The following LIMS1 variants were observed in gnomAD, a reference collection of about 807,000 sequenced individuals.
LIMS1 encodes the protein LIM and senescent cell antigen-like-containing domain protein 1.
LIMS1 carries 18 observed loss-of-function variants against 44.1 expected under a neutral mutation model. The observed-to-expected ratio is 0.41, with a 90% confidence interval of 0.28 to 0.61. LIMS1 has a LOEUF of 0.61. Ranked by LOEUF, LIMS1 falls within the 20% of genes least tolerant of loss-of-function variation. The pLI is 0.32. For missense variants in LIMS1, 201 were observed against 422.0 expected (o/e 0.48, Z 4.59); for synonymous variants, 93 against 149.1 (o/e 0.62, Z 2.74).
chr2:108,601,141 A>G (rs1686994365), intron 1 of LIMS1, among the ~76,000 whole-genome samples: 2 of 152,164 alleles, frequency 1.3e-5, no homozygotes, highest in South Asian at 4.1e-4. Flanking sequence ...CACACACACA[A>G]TACCTTTAAG....
intron 1 of LIMS1, among the ~76,000 whole-genome samples, chr2:108,617,435 A>G (rs1573460043): frequency 6.6e-6 from 1 of 152,236 alleles, no homozygotes; most frequent in African/African-American, 2.4e-5. Flanking sequence ...AATTTTTCCA[A>G]TACTGTAGAA....
chr2:108,588,289 C>T, intron 1 of LIMS1: 1 of 978,134 alleles, frequency 1.0e-6, no homozygotes, highest in Non-Finnish European at 1.2e-6. Flanking sequence ...AAACCCTGAA[C>T]TTGGTTTCAT....
chr2:108,570,021 T>C (rs989014153), intron 1 of LIMS1, among the ~76,000 whole-genome samples: 46 of 152,162 alleles, frequency 3.0e-4, no homozygotes, highest in African/African-American at 9.9e-4. Flanking sequence ...GAGAAAAGTA[T>C]ACAAAAATCT....
chr2:108,590,728 C>G (rs1686341818), intron 1 of LIMS1, among the ~76,000 whole-genome samples: 1 of 152,212 alleles, frequency 6.6e-6, no homozygotes. Flanking sequence ...AGTGTTACTT[C>G]TCTCTTCAGA....
At chr2:108,623,539 A>G (rs928911267) in intron 1 of LIMS1, among the ~76,000 whole-genome samples, 9 of 152,216 alleles carry the variant, frequency 5.9e-5, no homozygotes, top group South Asian at 2.1e-4. Context: ...CAGTTAATTC[A>G]TTGTTTAATT....
chr2:108,551,414 TATA>T (rs911696327), intron 1 of LIMS1, among the ~76,000 whole-genome samples: 38 of 146,106 alleles, frequency 2.6e-4, no homozygotes, highest in African/African-American at 8.7e-4. Flanking sequence ...TTAGCTATAA[TATA>T]ATTATATAGT....
In LIMS1 at chr2:108,641,755, GA is replaced by G. The variant is rs1291115970; in HGVS notation, c.33-17842del. Among the ~76,000 whole-genome samples the G allele has an allele frequency of 4.0e-5, 6 of 151,820 alleles. No individual in the cohort carries two copies. The South Asian group carries it at 1.0e-3, about 26-fold the overall frequency. On this transcript the variant is annotated intron_variant, in intron 1 of 9. Coordinates refer to ENST00000544547, the Ensembl canonical transcript of LIMS1. ...TTTTGCCTGTGCATTCAAAAATTAG[GA>G]AAAAAAATTGACAAGGCAAAATGGC...
intron 1 of LIMS1, among the ~76,000 whole-genome samples, chr2:108,600,936 T>C (rs13006894): frequency 1.7e-5 from 2 of 118,180 alleles, no homozygotes; most frequent in Non-Finnish European, 3.5e-5. Flanking sequence ...CTCTTCTCTT[T>C]TTTCTTCACT....
chr2:108,677,773 T>C (rs541415587), intron 7 of LIMS1, among the ~76,000 whole-genome samples: 2 of 152,356 alleles, frequency 1.3e-5, no homozygotes, highest in Admixed American at 1.3e-4. Context: ...TATTTGGGTG[T>C]TCAAACTGTC....
chr2:108,599,061 T>A (rs1686864577), intron 1 of LIMS1, among the ~76,000 whole-genome samples: 1 of 152,068 alleles, frequency 6.6e-6, no homozygotes, highest in Non-Finnish European at 1.5e-5. Flanking sequence ...TAGTTATTTT[T>A]AAATGTCCAA....
Position 108,613,118 on chromosome 2 carries a change from ACATGCCT to A in LIMS1, c.33-46483_33-46477del, listed in dbSNP as rs1249319496. Among the ~76,000 whole-genome samples the A allele has an allele frequency of 2.0e-5, 3 of 152,200 alleles. No homozygotes were observed. In the East Asian group the frequency reaches 5.8e-4, roughly 29 times the overall value. On this transcript the variant is annotated intron_variant, in intron 1 of 9. Transcript: ENST00000544547. ...ATCTGTAAATGGGTATAATCACAATACATGCCTCATAGGGTTGAGATGGAGGTTAATA... is the reference window on the plus strand; with the variant it reads ...ATCTGTAAATGGGTATAATCACAATACATAGGGTTGAGATGGAGGTTAATA...
intron 1 of LIMS1, among the ~76,000 whole-genome samples, chr2:108,623,313 C>A (rs1688364338): frequency 2.6e-5 from 4 of 151,752 alleles, no homozygotes; most frequent in Admixed American, 2.6e-4. Context: ...TAATAGGAAT[C>A]AAAGAGAGTA....
At chr2:108,644,974 A>G (rs930635216) in intron 1 of LIMS1, among the ~76,000 whole-genome samples, 6 of 152,088 alleles carry the variant, frequency 3.9e-5, no homozygotes, top group Non-Finnish European at 7.3e-5. Context: ...GAAATGAACA[A>G]AGCCTCCAAG....
chr2:108,660,879 G>A (rs1325485895), intron 2 of LIMS1, among the ~76,000 whole-genome samples: 7 of 150,084 alleles, frequency 4.7e-5, no homozygotes, highest in Non-Finnish European at 7.4e-5. Flanking sequence ...ATATTTGTAC[G>A]TAAATGCACA....
chr2:108,627,265 C>G (rs1688630584), intron 1 of LIMS1, among the ~76,000 whole-genome samples: 1 of 152,100 alleles, frequency 6.6e-6, no homozygotes, highest in African/African-American at 2.4e-5. Context: ...AGATCATATC[C>G]TTGTCATTAA....
At chr2:108,544,112 AGT>A (rs1684406072) in intron 1 of LIMS1, among the ~76,000 whole-genome samples, 2 of 152,192 alleles carry the variant, frequency 1.3e-5, no homozygotes, top group African/African-American at 4.8e-5. Flanking sequence ...TAAAGGAGGA[AGT>A]GGTAATTTGT....
In LIMS1 at chr2:108,583,737, C is replaced by T. The variant is rs374981610; in HGVS notation, c.32+49143C>T. Among the ~76,000 whole-genome samples the T allele has an allele frequency of 5.4e-5, 7 of 129,594 alleles. No individual in the cohort carries two copies. In the East Asian group the frequency reaches 2.0e-3, roughly 37 times the overall value. The allele number at this position is 129,594 out of a possible 152,430, so 85.0% of individuals were successfully genotyped here. ...TTTGAGATGGAGTCTTACTCTCGCTCAGGCTGGAGTGCAGTGGTGTGATCT... is the reference window on the plus strand; with the variant it reads ...TTTGAGATGGAGTCTTACTCTCGCTTAGGCTGGAGTGCAGTGGTGTGATCT... On this transcript the variant is annotated intron_variant, in intron 1 of 9. Coordinates refer to ENST00000544547, the Ensembl canonical transcript of LIMS1.
chr2:108,653,101 T>C (rs1194620687), intron 1 of LIMS1, among the ~76,000 whole-genome samples: 1 of 152,222 alleles, frequency 6.6e-6, no homozygotes. Context: ...CTGAGATTTT[T>C]AGGGTTCAAA....
At chr2:108,590,993 G>A (rs1219188455) in intron 1 of LIMS1, among the ~76,000 whole-genome samples, 1 of 152,222 alleles carries the variant, frequency 6.6e-6, no homozygotes, top group Non-Finnish European at 1.5e-5. Context: ...GTGCTGGAAT[G>A]TTTGAAGGAT....
Sources: gnomAD v4.1 joint callset for allele counts (sites outside exome capture counted in the v4.1 genomes callset) on GRCh38, gnomAD v4.1.1 for gene constraint, MANE v1.5 for transcripts, NCBI Gene and HGNC (gene_info 2026-07-23, HGNC 2026-07-21) for gene names.